Variants in BTD observed in about 807,000 individuals in gnomAD.
BTD encodes biotinidase.
Under a neutral mutation model 17.7 loss-of-function variants are expected in BTD, and 13 were observed. The observed-to-expected ratio is 0.74, with a 90% CI of 0.48 to 1.17. The LOEUF (loss-of-function observed/expected upper bound fraction) is 1.17, where lower values mean the gene tolerates loss of function less well. Ranked by LOEUF, BTD falls within the 50% of genes most tolerant of loss-of-function variation. The pLI is 0.00. For missense variants in BTD, 674 were observed against 650.4 expected, an observed-to-expected ratio of 1.04 and a Z score of -0.39; for synonymous variants, 240 against 245.2, an observed-to-expected ratio of 0.98 and a Z score of 0.20.
At chr3:15,620,396 G>A (rs1302036601) in intron 1 of BTD, among the ~76,000 whole-genome samples, 1 of 152,188 alleles carries the variant, frequency 6.6e-6, no homozygotes, top group Non-Finnish European at 1.5e-5. Context: ...TTAGCGATAT[G>A]TTTCCTACTT....
intron 3 of BTD, among the ~76,000 whole-genome samples, chr3:15,680,317 G>A (rs2067407826): frequency 6.6e-6 from 1 of 151,892 alleles, no homozygotes; most frequent in Non-Finnish European, 1.5e-5. Context: ...TGATTCTCCT[G>A]TCTCAGCCTC....
intron 1 of BTD, among the ~76,000 whole-genome samples, chr3:15,620,394 A>G (rs193232269): frequency 1.1e-4 from 17 of 152,320 alleles, no homozygotes; most frequent in Admixed American, 2.0e-4. Context: ...ATTTAGCGAT[A>G]TGTTTCCTAC....
At chr3:15,675,308 G>A (rs2066817588) in intron 3 of BTD, among the ~76,000 whole-genome samples, 1 of 152,108 alleles carries the variant, frequency 6.6e-6, no homozygotes, top group African/African-American at 2.4e-5. Flanking sequence ...AAGAATGGAA[G>A]AATGAGAGGA....
rs1404939534 is a variant in BTD at position 15,647,532 on chromosome 3, G to A, written c.*2044G>A. The A allele has an allele frequency of 6.6e-6, 1 of 152,204 alleles. No homozygotes were observed. The highest frequency in any genetic ancestry group is 1.5e-5 in the Non-Finnish European group (1 of 68,032). 9.4% of individuals were successfully genotyped at this position (152,204 alleles called of 1,614,324 possible). On this transcript the variant is annotated 3_prime_UTR_variant, in exon 4 of 4. Transcript: ENST00000643237. ...TCGTGAAGTAGAAATGAGGGGAAAA[G>A]CAACTAATGGTGGTAGAACAAAGTA... is the stretch of plus-strand genomic sequence containing the variant.
Position 15,641,887 on chromosome 3 carries a change from CT to C in BTD, c.250-18del. 6.5e-7 allele frequency: 1 copy of C among 1,549,108 alleles called. No homozygotes were observed. Among genetic ancestry groups the C allele is most frequent in the Non-Finnish European group, 8.9e-7 (1 of 1,123,626 alleles). On this transcript the variant is annotated intron_variant, in intron 2 of 3. Transcript: ENST00000643237. Reference sequence around the variant, plus strand: ...TCCTGCCATCTGATAACAGACTATTCTTTGATGTTTTCATTTTCAGGATGTA... The same window carrying C: ...TCCTGCCATCTGATAACAGACTATTCTTGATGTTTTCATTTTCAGGATGTA...
chr3:15,721,252 C>G, intron 4 of BTD: 1 of 778,750 alleles, frequency 1.3e-6, no homozygotes, highest in Non-Finnish European at 2.1e-6. Context: ...AAGATAAGTA[C>G]AGAGATAAGG....
chr3:15,661,532 T>G (rs1056700619), intron 3 of BTD, among the ~76,000 whole-genome samples: 8 of 152,212 alleles, frequency 5.3e-5, no homozygotes, highest in African/African-American at 1.9e-4. Flanking sequence ...TTAAGGGTTC[T>G]TTGTATATTT....
At chr3:15,674,196 A>AAAAAAAAAAAAAAAAAAAACAAG (rs1470515364) in intron 3 of BTD, among the ~76,000 whole-genome samples, 1 of 130,082 alleles carries the variant, frequency 7.7e-6, no homozygotes, top group African/African-American at 3.3e-5. Flanking sequence ...AAAAAAAAAA[A>AAAAAAAAAAAAAAAAAAAACAAG]AAGAAGAAGA....
chr3:15,708,564 CCT>C (rs576296879), intron 3 of BTD, among the ~76,000 whole-genome samples: 1 of 151,720 alleles, frequency 6.6e-6, no homozygotes, highest in Non-Finnish European at 1.5e-5. Context: ...TTTCAGAAGC[CCT>C]CTCTGTTATT....
Position 15,635,250 on chromosome 3 carries a change from G to A in BTD, c.-16-174G>A, listed in dbSNP as rs1036079815. Among the ~76,000 whole-genome samples the A allele has an allele frequency of 6.6e-6, 1 of 152,190 alleles. No homozygotes were observed. The highest frequency in any genetic ancestry group is 1.5e-5 in the Non-Finnish European group (1 of 68,032). On this transcript the variant is annotated intron_variant, in intron 1 of 3. Transcript: ENST00000643237. The surrounding 1 kb of genome is among the most constrained non-coding windows in gnomAD (Gnocchi z 4.1). ...AGCCATTTTAAATGTGGCTTGCTAC[G>A]TGTTTGGAGAGAAACACATACTCTT...
chr3:15,616,008 T>G (rs1008348514), intron 1 of BTD, among the ~76,000 whole-genome samples: 6 of 152,256 alleles, frequency 3.9e-5, no homozygotes, highest in Non-Finnish European at 8.8e-5. Context: ...TGAATAATAT[T>G]CCATTGTCTG....
chr3:15,678,621 A>G (rs1343037040), intron 3 of BTD, among the ~76,000 whole-genome samples: 2 of 152,216 alleles, frequency 1.3e-5, no homozygotes, highest in Non-Finnish European at 2.9e-5. Flanking sequence ...ACATTACATC[A>G]TTAAAGGAAA....
Position 15,653,043 on chromosome 3 carries a change from G to T in BTD, c.*7555G>T, listed in dbSNP as rs977551116. On this transcript the variant is annotated 3_prime_UTR_variant, in exon 4 of 4. Transcript: ENST00000643237. ...GAAAACCTCCTGCCCGCAGAATTTTGTCTAATCCACCCCAGACAGAGTTAT... is the reference window on the plus strand; with the variant it reads ...GAAAACCTCCTGCCCGCAGAATTTTTTCTAATCCACCCCAGACAGAGTTAT... 4.6e-5 allele frequency among the ~76,000 whole-genome samples: 7 copies of T among 152,348 alleles called. No individual in the cohort carries two copies. Among genetic ancestry groups the T allele is most frequent in the Non-Finnish European group, 1.0e-4 (7 of 68,036 alleles).
intron 1 of BTD, among the ~76,000 whole-genome samples, chr3:15,607,069 CT>C (rs1337245139): frequency 1.3e-5 from 2 of 151,864 alleles, no homozygotes; most frequent in African/African-American, 4.8e-5. Context: ...TTGGATACCC[CT>C]GACAGGATTC....
chr3:15,714,181 A>G (rs944981252), downstream of BTD, among the ~76,000 whole-genome samples: 10 of 152,194 alleles, frequency 6.6e-5, no homozygotes, highest in African/African-American at 2.4e-4. Flanking sequence ...AAAAGAATAC[A>G]AACTCAAGAA....
At chr3:15,602,735 G>A (rs1466424644) in intron 1 of BTD, among the ~76,000 whole-genome samples, 4 of 152,028 alleles carry the variant, frequency 2.6e-5, no homozygotes, top group Admixed American at 6.6e-5. Context: ...TCAAACTGTA[G>A]TCCTGGGTCT....
chr3:15,675,612 T>G (rs1276265045), intron 3 of BTD, among the ~76,000 whole-genome samples: 1 of 152,146 alleles, frequency 6.6e-6, no homozygotes, highest in Non-Finnish European at 1.5e-5. Context: ...TGATACATAT[T>G]TGCTGAAAGA....
intron 3 of BTD, chr3:15,678,188 A>C (rs911204132): frequency 1.9e-6 from 3 of 1,592,310 alleles, no homozygotes; most frequent in Non-Finnish European, 2.6e-6. Flanking sequence ...GGAAAATACA[A>C]TTTTAAAGAA....
intron 2 of BTD, 95 bp from the exon 3 acceptor site, chr3:15,641,813 G>A: frequency 1.0e-6 from 1 of 964,514 alleles, no homozygotes; most frequent in Non-Finnish European, 1.6e-6. Flanking sequence ...GTAACTTCCT[G>A]ATGGTTGCCA....
Sources: gnomAD v4.1 joint callset for allele counts (sites outside exome capture counted in the v4.1 genomes callset) on GRCh38, gnomAD v4.1.1 for gene constraint, Gnocchi (gnomAD v3.1) non-coding constraint, MANE v1.5 for transcripts, NCBI Gene and HGNC (gene_info 2026-07-23, HGNC 2026-07-21) for gene names.